The following GSE1 variants were observed in gnomAD, a reference collection of about 807,000 sequenced individuals.
The protein encoded by GSE1 is genetic suppressor element 1.
In GSE1, 32 loss-of-function variants were observed where a neutral mutation model predicts 112.6. The ratio of observed to expected loss-of-function variants is 0.28; its 90% confidence interval spans 0.21 to 0.38. The LOEUF (loss-of-function observed/expected upper bound fraction) is 0.38. GSE1 is among the 10% of genes least tolerant of loss of function. GSE1 has a pLI of 1.00. For missense variants in GSE1, 2,348 were observed against 1,699.2 expected (o/e 1.38, Z -6.71); for synonymous variants, 1,115 against 735.6 (o/e 1.52, Z -8.35).
chr16:85,210,605 A>G (rs1229932348), intron 1 of GSE1, among the ~76,000 whole-genome samples: 3 of 151,954 alleles, frequency 2.0e-5, no homozygotes, highest in African/African-American at 7.3e-5. Flanking sequence ...AAAACACCCC[A>G]GTGATGTCAT....
At chr16:85,657,948 C>T (rs900371579) in intron 8 of GSE1, among the ~76,000 whole-genome samples, 30 of 152,326 alleles carry the variant, frequency 2.0e-4, no homozygotes, top group South Asian at 2.1e-4. Flanking sequence ...ACTAATAATA[C>T]CTGTTCTCTC....
Position 85,656,476 on chromosome 16 carries a change from C to A in GSE1, c.1123C>A (p.Arg375Ser), listed in dbSNP as rs549937106. The A allele has an allele frequency of 6.5e-7, 1 of 1,540,914 alleles. No homozygotes were observed. Among genetic ancestry groups the A allele is most frequent in the East Asian group, 2.4e-5 (1 of 40,890 alleles). ...GAAGGAGCGCGAGCAAGAGAAGGAG[C>A]GTGAGCGTGAGAAGGAGCGCGAGCG... ...REKEREQEKE[R>S]EREKEREREL... The change falls in exon 7 of 16, where the codon CGT (arginine) becomes AGT (serine). Residue 375 changes from arginine to serine, a missense_variant. Coordinates refer to ENST00000253458, the MANE Select transcript of GSE1 (RefSeq NM_014615.5).
At chr16:85,204,922 G>A (rs1471925745) in intron 1 of GSE1, among the ~76,000 whole-genome samples, 1 of 152,196 alleles carries the variant, frequency 6.6e-6, no homozygotes, top group South Asian at 2.1e-4. Flanking sequence ...GAGTTCTGGA[G>A]TCCATGCAGT....
intron 10 of GSE1, 36 bp from the exon 11 acceptor site, chr16:85,663,308 T>A: frequency 6.2e-7 from 1 of 1,609,806 alleles, no homozygotes; most frequent in East Asian, 2.2e-5. Context: ...CCACTGCCAG[T>A]GGCTTCAAAC....
chr16:85,547,933 T>C (rs2044757905), intron 2 of GSE1, among the ~76,000 whole-genome samples: 2 of 146,940 alleles, frequency 1.4e-5, no homozygotes, highest in East Asian at 4.1e-4. Flanking sequence ...TTCTTTATTC[T>C]AGAAATATTT....
chr16:85,615,946 A>G (rs944476726), intron 1 of GSE1, among the ~76,000 whole-genome samples: 1 of 152,246 alleles, frequency 6.6e-6, no homozygotes, highest in Non-Finnish European at 1.5e-5. Flanking sequence ...CACCGCGCTC[A>G]CAGCAGGAAG....
intron 1 of GSE1, among the ~76,000 whole-genome samples, chr16:85,573,913 G>A (rs1303144348): frequency 6.6e-6 from 1 of 152,228 alleles, no homozygotes; most frequent in African/African-American, 2.4e-5. Context: ...GGAAGGGCAG[G>A]TGACAGCTGC....
chr16:85,261,890 C>T (rs936445624), intron 1 of GSE1, among the ~76,000 whole-genome samples: 2 of 152,142 alleles, frequency 1.3e-5, no homozygotes, highest in African/African-American at 2.4e-5. Context: ...TTTGGCTGTC[C>T]CTGGGGGGCT....
chr16:85,661,858 C>G (rs1252871242), intron 9 of GSE1, 93 bp downstream of exon 9: 3 of 1,290,512 alleles, frequency 2.3e-6, no homozygotes, highest in South Asian at 3.1e-5. Context: ...TCTCCGTCCA[C>G]TCCTGCTTTT....
chr16:85,418,528 T>C (rs1419184618), intron 2 of GSE1, among the ~76,000 whole-genome samples: 1 of 152,154 alleles, frequency 6.6e-6, no homozygotes, highest in Non-Finnish European at 1.5e-5. Flanking sequence ...CCCAGCCTGC[T>C]CAGGAACAGG....
At chr16:85,528,056 G>T (rs772109930) in intron 2 of GSE1, among the ~76,000 whole-genome samples, 41 of 152,206 alleles carry the variant, frequency 2.7e-4, no homozygotes, top group Admixed American at 9.8e-4. Context: ...GGGGGCCCCA[G>T]CATCAGGCTA....
At chr16:85,265,983 C>T (rs1203801773) in intron 1 of GSE1, among the ~76,000 whole-genome samples, 2 of 152,162 alleles carry the variant, frequency 1.3e-5, no homozygotes, top group East Asian at 3.8e-4. Context: ...GTAAGAGTGG[C>T]TGGGTGGCCT....
intron 2 of GSE1, among the ~76,000 whole-genome samples, chr16:85,366,006 C>T (rs2047177599): frequency 6.6e-6 from 1 of 152,260 alleles, no homozygotes; most frequent in South Asian, 2.1e-4. Flanking sequence ...CTGGGCCTGC[C>T]CTGGCAGCGA....
At chr16:85,411,079 G>GC (rs1670115875) in intron 2 of GSE1, among the ~76,000 whole-genome samples, 1 of 104,030 alleles carries the variant, frequency 9.6e-6, no homozygotes, top group Non-Finnish European at 1.8e-5. Flanking sequence ...TGCACTCAGG[G>GC]TCCCCCGGAT....
intron 1 of GSE1, among the ~76,000 whole-genome samples, chr16:85,333,624 A>G (rs778194175): frequency 1.1e-4 from 17 of 152,224 alleles, no homozygotes; most frequent in Non-Finnish European, 2.2e-4. Context: ...AATGGGGACA[A>G]TAACATACCA....
chr16:85,566,171 T>C (rs906154902), intron 1 of GSE1, among the ~76,000 whole-genome samples: 1 of 152,178 alleles, frequency 6.6e-6, no homozygotes, highest in Non-Finnish European at 1.5e-5. Context: ...AGCTCCCAGC[T>C]GTCATGCTCC....
chr16:85,647,717 G>C (rs2050994218), intron 2 of GSE1, among the ~76,000 whole-genome samples: 1 of 152,342 alleles, frequency 6.6e-6, no homozygotes, highest in Admixed American at 6.5e-5. Context: ...CTCCCGAGTA[G>C]CTGGGACTAC....
intron 1 of GSE1, among the ~76,000 whole-genome samples, chr16:85,235,895 G>A (rs71372903): frequency 0.032 from 4,829 of 152,004 alleles, 106 homozygotes; most frequent in East Asian, 0.14. Flanking sequence ...CCCCGCCCCC[G>A]CGCTGGCCGG....
At chr16:85,224,117 C>T (rs1316905606) in intron 1 of GSE1, among the ~76,000 whole-genome samples, 4 of 151,648 alleles carry the variant, frequency 2.6e-5, no homozygotes, top group Admixed American at 2.6e-4. Flanking sequence ...TCTCAAAGCC[C>T]CAGGAGAAGG....
Sources: gnomAD v4.1 joint callset for allele counts (sites outside exome capture counted in the v4.1 genomes callset) on GRCh38, gnomAD v4.1.1 for gene constraint, MANE v1.5 for transcripts, NCBI Gene and HGNC (gene_info 2026-07-23, HGNC 2026-07-21) for gene names.